PCDHGB1: variants seen among roughly 807,000 people sequenced by gnomAD.
PCDHGB1 encodes protocadherin gamma subfamily B, 1.
A neutral mutation model predicts 56.6 loss-of-function variants in PCDHGB1; 34 were observed. That is an observed-to-expected ratio of 0.60 (90% CI 0.46 to 0.80). PCDHGB1 has a LOEUF of 0.80. Ranked by LOEUF, PCDHGB1 falls within the 30% of genes least tolerant of loss-of-function variation. PCDHGB1 has a pLI of 0.00. For missense variants in PCDHGB1, 1,278 were observed against 1,204.6 expected (o/e 1.06, Z -0.90); for synonymous variants, 561 against 505.9 (o/e 1.11, Z -1.46).
At position 141,350,208 on chromosome 5, in the gene PCDHGB1, T is replaced by C. The variant is rs1030085147; in HGVS notation, c.-53T>C. 7.4e-6 allele frequency: 11 copies of C among 1,477,052 alleles called. No homozygotes were observed. The highest frequency in any genetic ancestry group is 9.0e-6 in the Non-Finnish European group (10 of 1,112,042). 91.5% of individuals were successfully genotyped at this position (1,477,052 alleles called of 1,614,324 possible). A position where few individuals can be genotyped will look rare whatever the true frequency, so the allele number is the denominator to read the frequency against. ...ATCACAGAAGTCCAGGGTGCTGCCA[T>C]TTCTTTTTGAAAAACATCCCAGAGG... On this transcript the variant is annotated 5_prime_UTR_variant, in exon 1 of 4. Transcript: ENST00000523390.
chr5:141,450,556 G>A lies in PCDHGB1; in HGVS notation c.2410-44251G>A, dbSNP rs534127421. Among the ~76,000 whole-genome samples, 5 of 151,822 alleles carry A rather than the reference G, an allele frequency of 3.3e-5. 1 individual carries two copies. Among genetic ancestry groups the A allele is most frequent in the South Asian group, 2.1e-4 (1 of 4,804 alleles). On this transcript the variant is annotated intron_variant, in intron 1 of 3. Transcript: ENST00000523390. ...GGCTGGAATGCAGTGGCGCAGTCTCGGCTCACTGCAACTTCTGCCTCCCAG... is the reference window on the plus strand; with the variant it reads ...GGCTGGAATGCAGTGGCGCAGTCTCAGCTCACTGCAACTTCTGCCTCCCAG...
intron 1 of PCDHGB1, among the ~76,000 whole-genome samples, chr5:141,397,541 C>G (rs1385892486): frequency 6.6e-6 from 1 of 152,014 alleles, no homozygotes; most frequent in Non-Finnish European, 1.5e-5. Context: ...TTTTTGAAAT[C>G]AGTATAGTAT....
At chr5:141,420,359 A>G in intron 1 of PCDHGB1, 1 of 1,378,858 alleles carries the variant, frequency 7.3e-7, no homozygotes, top group Non-Finnish European at 9.6e-7. Flanking sequence ...TTAAGATTCT[A>G]GATAACTTCT....
At position 141,351,571 on chromosome 5, in the gene PCDHGB1, C is replaced by T. The variant is rs370102258; in HGVS notation, c.1311C>T (p.His437=). 24 of 1,613,956 alleles carry T rather than the reference C, an allele frequency of 1.5e-5. No homozygotes were observed. In the African/African-American group the frequency reaches 2.4e-4, roughly 16 times the overall value. The change falls in exon 1 of 4, where the codon CAC becomes CAT. Residue 437 remains histidine, a synonymous_variant. Coordinates refer to ENST00000523390, the MANE Select transcript of PCDHGB1 (RefSeq NM_018922.3). Reference sequence around the variant, plus strand: ...CCTCCAGGACAAGCATCACCCTGCACATCTCCGACATCAACGACAATGCAC... The same window carrying T: ...CCTCCAGGACAAGCATCACCCTGCATATCTCCGACATCAACGACAATGCAC... The part of the protein sequence containing the change: ...ALSSRTSITL[H]ISDINDNAPV...
At chr5:141,388,965 G>T (rs1164641835) in intron 1 of PCDHGB1, 1 of 1,613,978 alleles carries the variant, frequency 6.2e-7, no homozygotes, top group Admixed American at 1.7e-5. Context: ...CGCCGAGCTG[G>T]GAACACATAT....
At chr5:141,419,977 G>A (rs962684463) in intron 1 of PCDHGB1, 1 of 1,614,066 alleles carries the variant, frequency 6.2e-7, no homozygotes, top group Non-Finnish European at 8.5e-7. Context: ...TTCTCCTCGC[G>A]GTGATTCTAG....
intron 1 of PCDHGB1, chr5:141,414,354 T>C (rs1389145668): frequency 1.2e-6 from 2 of 1,613,800 alleles, no homozygotes; most frequent in Admixed American, 1.7e-5. Flanking sequence ...TTTTGGCGTA[T>C]CTACCATTTA....
At chr5:141,460,951 G>GTATATATA (rs200454978) in intron 1 of PCDHGB1, among the ~76,000 whole-genome samples, 42 of 139,772 alleles carry the variant, frequency 3.0e-4, no homozygotes, top group African/African-American at 1.1e-3. Context: ...TATGTATTAT[G>GTATATATA]TATATATATA....
intron 2 of PCDHGB1, among the ~76,000 whole-genome samples, chr5:141,500,399 C>T (rs966328306): frequency 1.3e-5 from 2 of 151,806 alleles, no homozygotes; most frequent in South Asian, 2.1e-4. Context: ...TTAGTAGAGA[C>T]GGGGTTTCAC....
chr5:141,461,213 T>C (rs1457474925), intron 1 of PCDHGB1, among the ~76,000 whole-genome samples: 1 of 152,168 alleles, frequency 6.6e-6, no homozygotes, highest in African/African-American at 2.4e-5. Flanking sequence ...AGAATCTCCA[T>C]ACTGTTTTCC....
At position 141,432,646 on chromosome 5, in the gene PCDHGB1, G is replaced by A. The variant is rs780822589; in HGVS notation, c.2410-62161G>A. 9.3e-6 allele frequency: 15 copies of A among 1,613,690 alleles called. No individual in the cohort carries two copies. The highest frequency in any genetic ancestry group is 1.3e-5 in the Non-Finnish European group (15 of 1,179,944). ...TGCACACGGGCGAGGTGCGCACGGCGCGAGCCCTGCTGGACAGAGACGCGC... is the reference window on the plus strand; with the variant it reads ...TGCACACGGGCGAGGTGCGCACGGCACGAGCCCTGCTGGACAGAGACGCGC... On this transcript the variant is annotated intron_variant, in intron 1 of 3. Transcript: ENST00000523390. This position sits in a 1 kb window ranked among gnomAD's most constrained non-coding sequence, Gnocchi z 6.0.
chr5:141,384,261 C>G (rs1561601309), intron 1 of PCDHGB1: 1 of 1,613,910 alleles, frequency 6.2e-7, no homozygotes, highest in East Asian at 2.2e-5. Context: ...CCTTCCCCCA[C>G]TCATCCTACT....
intron 1 of PCDHGB1, among the ~76,000 whole-genome samples, chr5:141,453,293 T>TTATG: frequency 6.6e-6 from 1 of 151,872 alleles, no homozygotes; most frequent in Non-Finnish European, 1.5e-5. Flanking sequence ...TTTTAATTAT[T>TTATG]TATTTATTTA....
At chr5:141,360,064 C>A (rs769109998) in intron 1 of PCDHGB1, 19 of 1,462,446 alleles carry the variant, frequency 1.3e-5, no homozygotes, top group Non-Finnish European at 1.7e-5. Flanking sequence ...GGAAAAGTGA[C>A]CTTAGCCCGG....
chr5:141,383,826 T>G, intron 1 of PCDHGB1: 1 of 1,613,966 alleles, frequency 6.2e-7, no homozygotes, highest in Non-Finnish European at 8.5e-7. Flanking sequence ...GATTAGATTA[T>G]GAAGAAACTG....
chr5:141,360,609 G>C, intron 1 of PCDHGB1: 1 of 1,613,936 alleles, frequency 6.2e-7, no homozygotes, highest in Non-Finnish European at 8.5e-7. Flanking sequence ...ACCCAGCCCT[G>C]GATTCAGATG....
At chr5:141,444,188 T>TTTTTTTTTTG (rs2098424052) in intron 1 of PCDHGB1, among the ~76,000 whole-genome samples, 1 of 129,374 alleles carries the variant, frequency 7.7e-6, no homozygotes, top group African/African-American at 3.1e-5. Flanking sequence ...TTTTTTTTTT[T>TTTTTTTTTTG]GAGATGGAGT....
chr5:141,352,536 C>T lies in PCDHGB1; in HGVS notation c.2276C>T (p.Thr759Ile). ...TGTATTGCCTCTCATTCTGCAAAGA[C>T]AGAGTTTAATTCTCTCAACCTGACA... ...NLCIASHSAKTEFNSLNLTPE... is the reference protein window; with the variant it reads ...NLCIASHSAKIEFNSLNLTPE... The change falls in exon 1 of 4, where the codon ACA (threonine) becomes ATA (isoleucine). Residue 759 changes from threonine to isoleucine, a missense_variant. Coordinates refer to ENST00000523390, the MANE Select transcript of PCDHGB1 (RefSeq NM_018922.3). 6.2e-7 allele frequency: 1 copy of T among 1,614,032 alleles called. No homozygotes were observed.
intron 1 of PCDHGB1, chr5:141,389,923 C>T: frequency 6.2e-7 from 1 of 1,614,076 alleles, no homozygotes; most frequent in Non-Finnish European, 8.5e-7. Context: ...CCCGACCCCT[C>T]TGACCTCCAG....
Sources: allele counts gnomAD v4.1 joint callset (sites outside exome capture counted in the v4.1 genomes callset), GRCh38; gene constraint gnomAD v4.1.1; non-coding constraint Gnocchi (gnomAD v3.1); transcripts MANE v1.5; gene names NCBI Gene and HGNC (gene_info 2026-07-23, HGNC 2026-07-21).